LRRTM4: variants seen among roughly 807,000 people sequenced by gnomAD.
LRRTM4 encodes the protein leucine rich repeat transmembrane neuronal 4, also known as leucine-rich repeat transmembrane neuronal protein 4.
A neutral mutation model predicts 47.6 loss-of-function variants in LRRTM4; 25 were observed. The observed-to-expected ratio is 0.53, with a 90% CI of 0.38 to 0.73. The LOEUF (loss-of-function observed/expected upper bound fraction) is 0.73, where lower values mean the gene tolerates loss of function less well. Among genes scored for constraint, LRRTM4 ranks in the 30% least tolerant of loss-of-function variants. The probability of loss-of-function intolerance (pLI) is 0.00; values close to 1 mark genes in which losing one functional copy is unlikely to be tolerated. For missense variants in LRRTM4, 638 were observed against 713.4 expected (o/e 0.89, Z 1.20); for synonymous variants, 311 against 269.5 (o/e 1.15, Z -1.51).
chr2:76,807,980 TTC>T (rs1670601872), intron 3 of LRRTM4, among the ~76,000 whole-genome samples: 1 of 148,754 alleles, frequency 6.7e-6, no homozygotes, highest in African/African-American at 2.5e-5. Flanking sequence ...CTTCCTTCCC[TTC>T]TTTCTTTTCT....
intron 3 of LRRTM4, among the ~76,000 whole-genome samples, chr2:77,160,080 A>G (rs1033742738): frequency 1.3e-5 from 2 of 152,234 alleles, no homozygotes; most frequent in South Asian, 2.1e-4. Flanking sequence ...TCCAAGATGC[A>G]TATCTTCAAA....
intron 3 of LRRTM4, among the ~76,000 whole-genome samples, chr2:76,909,048 C>T (rs574310444): frequency 1.3e-5 from 2 of 152,062 alleles, no homozygotes; most frequent in Non-Finnish European, 2.9e-5. Flanking sequence ...CAATCCTAAG[C>T]CAAAAGAACA....
At chr2:77,359,679 T>C (rs184273467) in intron 3 of LRRTM4, among the ~76,000 whole-genome samples, 9 of 152,342 alleles carry the variant, frequency 5.9e-5, no homozygotes, top group East Asian at 3.9e-4. Context: ...ACATTTTTCA[T>C]TGGCCAAGGA....
rs61718845 is a variant in LRRTM4, at chr2:77,075,914, C to CAAAAAAAAAAA, written c.1552-327009_1552-326999dup. Among the ~76,000 whole-genome samples, 116 of 36,850 alleles carry CAAAAAAAAAAA rather than the reference C, an allele frequency of 3.1e-3. 12 individuals carry two copies. Among genetic ancestry groups the CAAAAAAAAAAA allele is most frequent in the African/African-American group, 9.4e-3 (108 of 11,540 alleles). 24.2% of individuals were successfully genotyped at this position (36,850 alleles called of 152,430 possible). On this transcript the variant is annotated intron_variant, in intron 3 of 3. Coordinates refer to ENST00000409884, the MANE Select transcript of LRRTM4 (RefSeq NM_001134745.3). The stretch of plus-strand genomic sequence containing the variant: ...TGGGCGACAGAGCGAGACTCCGTCT[C>CAAAAAAAAAAA]AAAAAAAAAAAAAAAAAAAAAAAAA...
At chr2:76,796,765 C>T (rs1415960993) in intron 3 of LRRTM4, among the ~76,000 whole-genome samples, 1 of 151,824 alleles carries the variant, frequency 6.6e-6, no homozygotes, top group Non-Finnish European at 1.5e-5. Context: ...TCTCCTCCTC[C>T]AAAGGAACGC....
chr2:77,453,817 C>T (rs1676359882), intron 3 of LRRTM4, among the ~76,000 whole-genome samples: 1 of 151,998 alleles, frequency 6.6e-6, no homozygotes, highest in African/African-American at 2.4e-5. Flanking sequence ...ATTTTGATAG[C>T]CTTTAATTTA....
chr2:76,943,456 TAAATA>T (rs1558753575), intron 3 of LRRTM4, among the ~76,000 whole-genome samples: 2 of 152,022 alleles, frequency 1.3e-5, no homozygotes, highest in African/African-American at 2.4e-5. Context: ...ATAAATTAAT[TAAATA>T]AAACTGCCTG....
intron 3 of LRRTM4, among the ~76,000 whole-genome samples, chr2:76,778,962 C>G (rs1674191090): frequency 6.7e-6 from 1 of 150,174 alleles, no homozygotes; most frequent in South Asian, 2.1e-4. Flanking sequence ...TATGTTGTGT[C>G]TTTGTTTTCG....
Position 76,911,010 on chromosome 2 carries a change from A to G in LRRTM4, c.1552-162094T>C, listed in dbSNP as rs111679356. Among the ~76,000 whole-genome samples the G allele has an allele frequency of 1.3e-4, 20 of 152,242 alleles. No individual in the cohort carries two copies. In the South Asian group the frequency reaches 3.7e-3, roughly 28 times the overall value. ...GAACACTAATGCAGTGCAACCATCT[A>G]AAGTGGCCAACTTTGCTGAATACAA... On this transcript the variant is annotated intron_variant, in intron 3 of 3. Transcript: ENST00000409884.
chr2:77,008,479 CACT>C (rs2104054823), intron 3 of LRRTM4, among the ~76,000 whole-genome samples: 1 of 152,136 alleles, frequency 6.6e-6, no homozygotes, highest in South Asian at 2.1e-4. Flanking sequence ...CTGATTTCAC[CACT>C]GATATGATAT....
At chr2:76,819,345 T>C (rs1030755806) in intron 3 of LRRTM4, among the ~76,000 whole-genome samples, 5 of 151,842 alleles carry the variant, frequency 3.3e-5, no homozygotes, top group African/African-American at 9.7e-5. Context: ...GTCATAAAAA[T>C]AGTACGCATA....
intron 3 of LRRTM4, among the ~76,000 whole-genome samples, chr2:76,833,113 C>T (rs1012291834): frequency 8.6e-5 from 13 of 151,968 alleles, no homozygotes; most frequent in Admixed American, 7.2e-4. Context: ...AAATCTGGAA[C>T]TTGGGTGAGT....
At chr2:77,063,768 G>A (rs981051204) in intron 3 of LRRTM4, among the ~76,000 whole-genome samples, 3 of 152,098 alleles carry the variant, frequency 2.0e-5, no homozygotes, top group Admixed American at 6.6e-5. Context: ...CCTGCCAAAT[G>A]TTTATTATAA....
intron 3 of LRRTM4, among the ~76,000 whole-genome samples, chr2:77,069,907 A>T (rs895702308): frequency 6.6e-6 from 1 of 152,202 alleles, no homozygotes; most frequent in Non-Finnish European, 1.5e-5. Context: ...AGGCAGCTGC[A>T]AAGTTGAAAA....
At chr2:77,155,496 C>A (rs1028471069) in intron 3 of LRRTM4, among the ~76,000 whole-genome samples, 2 of 151,502 alleles carry the variant, frequency 1.3e-5, no homozygotes, top group African/African-American at 4.8e-5. Flanking sequence ...TCAGAAAATA[C>A]AAAGGTTGAG....
intron 3 of LRRTM4, among the ~76,000 whole-genome samples, chr2:76,812,118 A>G (rs1349457389): frequency 1.3e-5 from 2 of 152,164 alleles, no homozygotes; most frequent in Non-Finnish European, 2.9e-5. Context: ...GCACTAAGAA[A>G]AATTTATAGG....
intron 3 of LRRTM4, among the ~76,000 whole-genome samples, chr2:77,025,295 T>C (rs1678416591): frequency 6.6e-6 from 1 of 152,182 alleles, no homozygotes; most frequent in Non-Finnish European, 1.5e-5. Flanking sequence ...AAAATCTAGA[T>C]ACCCTCTTTT....
chr2:77,468,721 A>G (rs914834827), intron 3 of LRRTM4, among the ~76,000 whole-genome samples: 1 of 152,060 alleles, frequency 6.6e-6, no homozygotes, highest in Non-Finnish European at 1.5e-5. Flanking sequence ...GGCATCACAT[A>G]CTACCCTGGC....
At chr2:77,017,810 T>A (rs1468870034) in intron 3 of LRRTM4, among the ~76,000 whole-genome samples, 1 of 152,190 alleles carries the variant, frequency 6.6e-6, no homozygotes, top group Non-Finnish European at 1.5e-5. Context: ...TTAGCTTTTT[T>A]ATAAATTTCT....
Sources: gnomAD v4.1 joint callset for allele counts (sites outside exome capture counted in the v4.1 genomes callset) on GRCh38, gnomAD v4.1.1 for gene constraint, MANE v1.5 for transcripts, NCBI Gene and HGNC (gene_info 2026-07-23, HGNC 2026-07-21) for gene names.